The following GRIK4 variants were observed in gnomAD, a reference collection of about 807,000 sequenced individuals.
GRIK4 encodes the protein glutamate receptor ionotropic, kainate 4.
A neutral mutation model predicts 104.9 loss-of-function variants in GRIK4; 40 were observed. The ratio of observed to expected loss-of-function variants is 0.38; its 90% CI spans 0.30 to 0.50. The LOEUF is 0.50. Among genes scored for constraint, GRIK4 ranks in the 20% least tolerant of loss-of-function variants. The pLI, the probability that GRIK4 is intolerant of heterozygous loss-of-function variation, is 0.93. For synonymous variants in GRIK4, 485 were observed against 524.9 expected, an observed-to-expected ratio of 0.92 and a Z score of 1.04; for missense variants, 1,047 against 1,308.1, an observed-to-expected ratio of 0.80 and a Z score of 3.08.
chr11:120,879,820 G>A (rs979393725), intron 11 of GRIK4, among the ~76,000 whole-genome samples: 2 of 152,168 alleles, frequency 1.3e-5, no homozygotes, highest in Non-Finnish European at 2.9e-5. Context: ...TTCATGACAC[G>A]GAAGATGGCC....
intron 3 of GRIK4, among the ~76,000 whole-genome samples, chr11:120,694,182 T>C (rs1271664064): frequency 6.6e-6 from 1 of 152,140 alleles, no homozygotes; most frequent in African/African-American, 2.4e-5. Flanking sequence ...AGGAATTGCT[T>C]TGGCATTGTC....
chr11:120,680,328 C>T (rs945104460), intron 3 of GRIK4, among the ~76,000 whole-genome samples: 3 of 135,784 alleles, frequency 2.2e-5, no homozygotes, highest in African/African-American at 7.9e-5. Flanking sequence ...TCAACCTGCC[C>T]CGGCCTCCCT....
chr11:120,965,678 G>A (rs1306342972), intron 18 of GRIK4, among the ~76,000 whole-genome samples: 1 of 152,232 alleles, frequency 6.6e-6, no homozygotes, highest in Non-Finnish European at 1.5e-5. Flanking sequence ...AGTTGGAAGA[G>A]ATCTGGGAGA....
intron 1 of GRIK4, among the ~76,000 whole-genome samples, chr11:120,638,668 A>G (rs1294488108): frequency 1.3e-5 from 2 of 151,466 alleles, no homozygotes; most frequent in East Asian, 2.0e-4. Context: ...TAGTGGAGAC[A>G]GGGTTTCACC....
chr11:120,827,950 C>T (rs1953310929), intron 6 of GRIK4, among the ~76,000 whole-genome samples: 1 of 152,182 alleles, frequency 6.6e-6, no homozygotes, highest in Non-Finnish European at 1.5e-5. Flanking sequence ...GACTTCCACT[C>T]CCTCATGACT....
At chr11:120,783,616 T>C (rs557643416) in intron 3 of GRIK4, among the ~76,000 whole-genome samples, 1 of 152,360 alleles carries the variant, frequency 6.6e-6, no homozygotes, top group South Asian at 2.1e-4. Context: ...TTACTAGCTC[T>C]TTCCTTCCAT....
chr11:120,535,181 G>A (rs1947960327), intron 1 of GRIK4, among the ~76,000 whole-genome samples: 1 of 152,124 alleles, frequency 6.6e-6, no homozygotes, highest in Non-Finnish European at 1.5e-5. Context: ...GAGCCTGTCT[G>A]AGCAGGCTCC....
chr11:120,976,734 C>T (rs1253003376), intron 19 of GRIK4, among the ~76,000 whole-genome samples: 2 of 152,350 alleles, frequency 1.3e-5, no homozygotes, highest in African/African-American at 2.4e-5. Context: ...GCTGGGATCT[C>T]GTGGCACTAG....
Position 120,905,589 on chromosome 11 carries a change from T to G in GRIK4, c.1476+96T>G, listed in dbSNP as rs551194807. ...GCACGCTCATGAACCCTCCATTTGT[T>G]CAGTCAATCATTCATGCATTTGTCA... On this transcript the variant is annotated intron_variant, in intron 13 of 20. Coordinates refer to ENST00000527524, the MANE Select transcript of GRIK4 (RefSeq NM_014619.5). The surrounding 1 kb of genome is among the most constrained non-coding windows in gnomAD (Gnocchi z 5.1). The G allele has an allele frequency of 1.2e-6, 1 of 826,910 alleles. No homozygotes were observed. The highest frequency in any genetic ancestry group is 1.7e-5 in the African/African-American group (1 of 60,484). The allele number at this position is 826,910 out of a possible 1,614,324, so 51.2% of individuals were successfully genotyped here. A position where few individuals can be genotyped will look rare whatever the true frequency, so the allele number is the denominator to read the frequency against.
rs1948859554 is a variant in GRIK4, at chr11:120,599,881, C to T, written c.-158-53804C>T. On this transcript the variant is annotated intron_variant, in intron 1 of 20. Coordinates refer to ENST00000527524, the MANE Select transcript of GRIK4 (RefSeq NM_014619.5). ...AAACTCAGCACAAGGGAACCCCTGC[C>T]CCAGAGCCCGTGACATAAAGGTGAA... Among the ~76,000 whole-genome samples, 10 of 152,222 alleles carry T rather than the reference C, an allele frequency of 6.6e-5. No individual in the cohort carries two copies. In the South Asian group the frequency reaches 2.1e-3, roughly 32 times the overall value.
chr11:120,739,844 A>G (rs1951294873), intron 3 of GRIK4, among the ~76,000 whole-genome samples: 2 of 152,194 alleles, frequency 1.3e-5, no homozygotes, highest in African/African-American at 4.8e-5. Flanking sequence ...TCTGTCTAAT[A>G]TCCAGAGGGC....
intron 1 of GRIK4, among the ~76,000 whole-genome samples, chr11:120,572,187 C>T (rs759540601): frequency 2.5e-4 from 38 of 152,224 alleles, no homozygotes; most frequent in African/African-American, 8.7e-4. Context: ...TTGAGAGGCA[C>T]GAGTCTCCTT....
chr11:120,957,902 A>G (rs1944199391), intron 16 of GRIK4, among the ~76,000 whole-genome samples: 1 of 152,182 alleles, frequency 6.6e-6, no homozygotes, highest in East Asian at 1.9e-4. Flanking sequence ...TGGGGTTTCC[A>G]TTATCCCTGA....
intron 11 of GRIK4, among the ~76,000 whole-genome samples, chr11:120,888,321 A>T (rs903467111): frequency 2.0e-5 from 3 of 151,960 alleles, no homozygotes; most frequent in Admixed American, 6.6e-5. Flanking sequence ...TTAACTATGG[A>T]GCTTTGGGCA....
At chr11:120,780,323 C>T (rs769609700) in intron 3 of GRIK4, among the ~76,000 whole-genome samples, 2 of 152,198 alleles carry the variant, frequency 1.3e-5, no homozygotes, top group African/African-American at 2.4e-5. Flanking sequence ...AATAACTCTC[C>T]ATTCCTTCTC....
intron 1 of GRIK4, among the ~76,000 whole-genome samples, chr11:120,565,939 G>C (rs950138219): frequency 1.3e-5 from 2 of 152,174 alleles, no homozygotes; most frequent in Non-Finnish European, 2.9e-5. Context: ...GGCTTGGGGT[G>C]TGACTTTGGT....
intron 3 of GRIK4, among the ~76,000 whole-genome samples, chr11:120,674,669 T>TA (rs1950071712): frequency 6.6e-6 from 1 of 152,248 alleles, no homozygotes; most frequent in Non-Finnish European, 1.5e-5. Flanking sequence ...TAGCAACAGT[T>TA]ATAAATTTCC....
At chr11:120,751,200 G>A (rs1457949039) in intron 3 of GRIK4, among the ~76,000 whole-genome samples, 1 of 152,074 alleles carries the variant, frequency 6.6e-6, no homozygotes, top group Non-Finnish European at 1.5e-5. Context: ...TCTGTGGTCA[G>A]CTCAGAACCC....
At chr11:120,916,846 G>A (rs766280990) in intron 13 of GRIK4, among the ~76,000 whole-genome samples, 40 of 152,102 alleles carry the variant, frequency 2.6e-4, no homozygotes, top group African/African-American at 4.6e-4. Context: ...TGAAAAAGTC[G>A]GAAATTCGAA....
Sources: gnomAD v4.1 joint callset for allele counts (sites outside exome capture counted in the v4.1 genomes callset) on GRCh38, gnomAD v4.1.1 for gene constraint, Gnocchi (gnomAD v3.1) non-coding constraint, MANE v1.5 for transcripts, NCBI Gene and HGNC (gene_info 2026-07-23, HGNC 2026-07-21) for gene names.